The following ULK4 variants were observed in gnomAD, a reference collection of about 807,000 sequenced individuals.
ULK4 encodes the protein inactive serine/threonine-protein kinase ULK4.
A neutral mutation model predicts 160.6 loss-of-function variants in ULK4; 133 were observed. The ratio of observed to expected loss-of-function variants is 0.83; its 90% CI spans 0.72 to 0.96. The LOEUF is 0.96. Among genes scored for constraint, ULK4 ranks in the 40% least tolerant of loss-of-function variants. The pLI, the probability that ULK4 is intolerant of heterozygous loss-of-function variation, is 0.00. For synonymous variants in ULK4, 534 were observed against 539.8 expected, an observed-to-expected ratio of 0.99 and a Z score of 0.15; for missense variants, 1,580 against 1,499.5, an observed-to-expected ratio of 1.05 and a Z score of -0.89.
intron 25 of ULK4, among the ~76,000 whole-genome samples, chr3:41,706,871 G>A (rs1427534124): frequency 3.9e-5 from 5 of 127,890 alleles, no homozygotes; most frequent in Admixed American, 2.8e-4. Flanking sequence ...GTGTGTGTGT[G>A]TGTGTGTGTG....
intron 22 of ULK4, among the ~76,000 whole-genome samples, chr3:41,730,417 A>G (rs1308838860): frequency 6.6e-6 from 1 of 152,180 alleles, no homozygotes; most frequent in African/African-American, 2.4e-5. Context: ...TCAAATAAAT[A>G]AACTCAGAGA....
At chr3:41,551,907 A>G (rs1272014979) in intron 32 of ULK4, among the ~76,000 whole-genome samples, 1 of 152,040 alleles carries the variant, frequency 6.6e-6, no homozygotes, top group Non-Finnish European at 1.5e-5. Flanking sequence ...TCAAAAAGAT[A>G]ATGCACTGTG....
intron 32 of ULK4, among the ~76,000 whole-genome samples, chr3:41,540,323 C>T (rs9815316): frequency 0.85 from 128,955 of 152,078 alleles, 55,132 homozygotes; most frequent in Middle Eastern, 0.91. Flanking sequence ...TTGCAGAGAA[C>T]GATGGCATCC....
At chr3:41,706,949 GGTAT>G (rs2036924258) in intron 25 of ULK4, among the ~76,000 whole-genome samples, 1 of 145,018 alleles carries the variant, frequency 6.9e-6, no homozygotes, top group African/African-American at 2.5e-5. Context: ...AAAGAACATA[GGTAT>G]GTATTTTGTG....
chr3:41,400,012 T>G (rs1458860696), intron 34 of ULK4, among the ~76,000 whole-genome samples: 2 of 152,202 alleles, frequency 1.3e-5, no homozygotes, highest in Non-Finnish European at 2.9e-5. Context: ...GATCCAATTT[T>G]ATTCTTTTGC....
At chr3:41,817,372 A>G (rs572237061) in intron 19 of ULK4, among the ~76,000 whole-genome samples, 2 of 152,324 alleles carry the variant, frequency 1.3e-5, no homozygotes, top group Admixed American at 1.3e-4. Flanking sequence ...CTTAGCTAAG[A>G]GATTAACAAC....
chr3:41,467,674 C>A (rs888470712), intron 32 of ULK4, among the ~76,000 whole-genome samples: 1 of 151,136 alleles, frequency 6.6e-6, no homozygotes, highest in Non-Finnish European at 1.5e-5. Flanking sequence ...AGATGAATCT[C>A]AAAAAAAATG....
chr3:41,329,736 T>G (rs996738372), intron 35 of ULK4, among the ~76,000 whole-genome samples: 1 of 152,198 alleles, frequency 6.6e-6, no homozygotes, highest in Admixed American at 6.5e-5. Context: ...TGACGAACAT[T>G]TAGATTGTTT....
intron 31 of ULK4, among the ~76,000 whole-genome samples, chr3:41,583,659 C>T (rs6796562): frequency 2.0e-5 from 3 of 152,110 alleles, no homozygotes; most frequent in Non-Finnish European, 4.4e-5. Context: ...AGTCACCTCA[C>T]CTCCTCAGGC....
chr3:41,466,800 ATG>A (rs1444964420), intron 32 of ULK4, among the ~76,000 whole-genome samples: 11 of 152,164 alleles, frequency 7.2e-5, no homozygotes, highest in Admixed American at 1.3e-4. Context: ...GTATATGTGC[ATG>A]TGTGTGTCCA....
Position 41,466,629 on chromosome 3 carries a change from C to G in ULK4, c.3227-3376G>C, listed in dbSNP as rs763629867. Among the ~76,000 whole-genome samples the G allele has an allele frequency of 6.6e-5, 10 of 152,112 alleles. No individual in the cohort carries two copies. In the East Asian group the frequency reaches 1.7e-3, roughly 26 times the overall value. Reference sequence around the variant, plus strand: ...AAGATTTCTTAGGATCCCAAAATACCTGGTCTTTAAAAAATGGATAAATTA... The same window carrying G: ...AAGATTTCTTAGGATCCCAAAATACGTGGTCTTTAAAAAATGGATAAATTA... On this transcript the variant is annotated intron_variant, in intron 32 of 36. Transcript: ENST00000301831.
At chr3:41,629,614 T>C (rs142085307) in intron 30 of ULK4, among the ~76,000 whole-genome samples, 11 of 152,220 alleles carry the variant, frequency 7.2e-5, no homozygotes, top group African/African-American at 2.4e-4. Context: ...GAAGGGCATG[T>C]GGAATGGGAA....
chr3:41,781,217 G>T (rs2039829615), intron 21 of ULK4, among the ~76,000 whole-genome samples: 1 of 151,930 alleles, frequency 6.6e-6, no homozygotes, highest in South Asian at 2.1e-4. Flanking sequence ...AGAAGGTCAG[G>T]AAAATATGAA....
At chr3:41,686,994 G>A (rs553059778) in intron 27 of ULK4, among the ~76,000 whole-genome samples, 1 of 152,200 alleles carries the variant, frequency 6.6e-6, no homozygotes, top group Non-Finnish European at 1.5e-5. Flanking sequence ...GAGGTGGGAG[G>A]ATAGCTTGAG....
chr3:41,842,198 AAG>A (rs1559599808), intron 17 of ULK4, among the ~76,000 whole-genome samples: 61 of 131,934 alleles, frequency 4.6e-4, no homozygotes, highest in African/African-American at 8.9e-4. Flanking sequence ...AATAAAAAAA[AAG>A]AAGACTAAGG....
chr3:41,783,268 G>A (rs1391970135), intron 21 of ULK4, among the ~76,000 whole-genome samples: 1 of 151,974 alleles, frequency 6.6e-6, no homozygotes, highest in African/African-American at 2.4e-5. Context: ...CCAGAGCAGT[G>A]GCTCACATCT....
chr3:41,826,460 G>A (rs923234491), intron 18 of ULK4, among the ~76,000 whole-genome samples: 2 of 151,842 alleles, frequency 1.3e-5, no homozygotes, highest in Non-Finnish European at 2.9e-5. Flanking sequence ...AGGGATGGAG[G>A]AAGATCTACA....
At chr3:41,356,552 G>T (rs1046364063) in intron 35 of ULK4, among the ~76,000 whole-genome samples, 5 of 152,144 alleles carry the variant, frequency 3.3e-5, no homozygotes, top group African/African-American at 4.8e-5. Flanking sequence ...GTGCAAAAAG[G>T]CAGTTGTGGG....
At position 41,784,287 on chromosome 3, in the gene ULK4, A is replaced by G. The variant is rs2039938022; in HGVS notation, c.2193+5374T>C. On this transcript the variant is annotated intron_variant, in intron 21 of 36. Transcript: ENST00000301831. ...CCATCTCTACTAAAAACACAAAATT[A>G]GCCAGGCGTGGTGACACATGCCTGT... 2.0e-5 allele frequency among the ~76,000 whole-genome samples: 3 copies of G among 151,808 alleles called. No individual in the cohort carries two copies. In the South Asian group the frequency reaches 6.3e-4, roughly 32 times the overall value.
Sources: gnomAD v4.1 joint callset for allele counts (sites outside exome capture counted in the v4.1 genomes callset) on GRCh38, gnomAD v4.1.1 for gene constraint, MANE v1.5 for transcripts, NCBI Gene and HGNC (gene_info 2026-07-23, HGNC 2026-07-21) for gene names.